The following TGFA variants were observed in gnomAD, a reference collection of about 807,000 sequenced individuals.
The protein encoded by TGFA is protransforming growth factor alpha.
TGFA carries 12 observed loss-of-function variants against 21.7 expected under a neutral mutation model. The ratio of observed to expected loss-of-function variants is 0.55; its 90% CI spans 0.35 to 0.90. The LOEUF is 0.90. Among genes scored for constraint, TGFA ranks in the 40% least tolerant of loss-of-function variants. The pLI is 0.01. For missense variants in TGFA, 178 were observed against 210.8 expected (o/e 0.84, Z 0.96); for synonymous variants, 79 against 88.1 (o/e 0.90, Z 0.58).
chr2:70,540,594 G>C (rs1184130787), intron 1 of TGFA, among the ~76,000 whole-genome samples: 1 of 152,116 alleles, frequency 6.6e-6, no homozygotes, highest in Non-Finnish European at 1.5e-5. Context: ...GGAAATCAGA[G>C]ATCAAAGAGT....
intron 1 of TGFA, among the ~76,000 whole-genome samples, chr2:70,529,451 C>T (rs559485774): frequency 4.1e-4 from 62 of 152,132 alleles, no homozygotes; most frequent in Non-Finnish European, 6.9e-4. Context: ...TTTTTCATCA[C>T]GGATGCGTGT....
At chr2:70,476,220 A>G (rs1553494349) in intron 2 of TGFA, among the ~76,000 whole-genome samples, 1 of 151,420 alleles carries the variant, frequency 6.6e-6, no homozygotes, top group African/African-American at 2.4e-5. Flanking sequence ...TCCTTCTTTC[A>G]TCTCTTCAAA....
chr2:70,454,201 T>TGGCAGAGATGAAGAAATAAGC (rs1670149809), intron 4 of TGFA, among the ~76,000 whole-genome samples: 1 of 152,168 alleles, frequency 6.6e-6, no homozygotes, highest in Non-Finnish European at 1.5e-5. Context: ...GTGAGCCAGG[T>TGGCAGAGATGAAGAAATAAGC]GGCAGAGATG....
chr2:70,518,001 C>T (rs1553501806), intron 1 of TGFA, among the ~76,000 whole-genome samples: 1 of 152,258 alleles, frequency 6.6e-6, no homozygotes, highest in Non-Finnish European at 1.5e-5. Context: ...CTTCCAGAAA[C>T]ATGTGGCCTT....
intron 4 of TGFA, 105 bp from the exon 5 acceptor site, chr2:70,453,432 AGCTCC>A: frequency 1.3e-6 from 1 of 792,452 alleles, no homozygotes. Context: ...GCTCTAAACC[AGCTCC>A]AAACCAGCTC....
At chr2:70,497,387 C>T (rs146358269) in intron 2 of TGFA, among the ~76,000 whole-genome samples, 56 of 152,288 alleles carry the variant, frequency 3.7e-4, no homozygotes, top group African/African-American at 1.3e-3. Context: ...ACTTAGGAGG[C>T]TCATTTTAAG....
chr2:70,475,987 G>A (rs1186559055), intron 2 of TGFA, among the ~76,000 whole-genome samples: 2 of 140,190 alleles, frequency 1.4e-5, no homozygotes, highest in Non-Finnish European at 3.0e-5. Context: ...CACACTCTCT[G>A]CCACTAAGCT....
intron 2 of TGFA, among the ~76,000 whole-genome samples, chr2:70,503,349 T>A (rs1284504471): frequency 2.8e-5 from 4 of 144,168 alleles, no homozygotes; most frequent in African/African-American, 1.0e-4. Context: ...CCGCATGTTC[T>A]CACTCATAGG....
intron 1 of TGFA, among the ~76,000 whole-genome samples, chr2:70,518,593 C>A (rs1672357526): frequency 6.6e-6 from 1 of 152,192 alleles, no homozygotes; most frequent in Non-Finnish European, 1.5e-5. Context: ...CTGGACACCC[C>A]TCTCCCCTGG....
chr2:70,523,332 A>G lies in TGFA; in HGVS notation c.41-8420T>C, dbSNP rs576723110. ...CGCTCATTGTGAACGTTCGTTGTGA[A>G]TGTTGTGTCCCAGGGCTCTTCAAGC... On this transcript the variant is annotated intron_variant, in intron 1 of 5. Transcript: ENST00000295400. Among the ~76,000 whole-genome samples the G allele has an allele frequency of 5.3e-5, 8 of 152,302 alleles. No homozygotes were observed. In the South Asian group the frequency reaches 1.7e-3, roughly 32 times the overall value.
At chr2:70,467,080 A>G (rs1286668400) in intron 2 of TGFA, among the ~76,000 whole-genome samples, 1 of 152,138 alleles carries the variant, frequency 6.6e-6, no homozygotes, top group East Asian at 1.9e-4. Context: ...GAAAAGAACT[A>G]ATGCATGCTG....
chr2:70,516,510 A>G (rs189243811), intron 1 of TGFA, among the ~76,000 whole-genome samples: 293 of 151,982 alleles, frequency 1.9e-3, no homozygotes, highest in Middle Eastern at 3.4e-3. Flanking sequence ...ATCCTAAGCC[A>G]GATGTTTGGG....
At chr2:70,489,683 T>G (rs1477858720) in intron 2 of TGFA, among the ~76,000 whole-genome samples, 1 of 152,252 alleles carries the variant, frequency 6.6e-6, no homozygotes, top group Non-Finnish European at 1.5e-5. Flanking sequence ...AGAACCTGTG[T>G]GGCATTTTAT....
intron 2 of TGFA, among the ~76,000 whole-genome samples, chr2:70,473,449 T>A (rs1324332279): frequency 2.0e-5 from 3 of 151,334 alleles, no homozygotes; most frequent in Non-Finnish European, 4.4e-5. Flanking sequence ...ACTGTCAGCA[T>A]CTAGTGTGGC....
At chr2:70,476,687 C>A (rs1465443615) in intron 2 of TGFA, among the ~76,000 whole-genome samples, 1 of 152,156 alleles carries the variant, frequency 6.6e-6, no homozygotes, top group African/African-American at 2.4e-5. Flanking sequence ...TTGACAGGTG[C>A]CTTTTTTCAT....
intron 2 of TGFA, among the ~76,000 whole-genome samples, chr2:70,476,323 GGAGGTTT>G (rs1321893419): frequency 2.6e-5 from 4 of 152,146 alleles, no homozygotes; most frequent in Admixed American, 6.5e-5. Flanking sequence ...AGGTAAACAA[GGAGGTTT>G]ATGTTTGGCT....
chr2:70,532,651 C>A (rs539005024), intron 1 of TGFA, among the ~76,000 whole-genome samples: 7 of 152,320 alleles, frequency 4.6e-5, no homozygotes, highest in Non-Finnish European at 1.0e-4. Flanking sequence ...GCCTGTGGTT[C>A]ATTTCTCAAG....
At chr2:70,461,772 C>G (rs1670411865) in intron 3 of TGFA, 1 of 152,186 alleles carries the variant, frequency 6.6e-6, no homozygotes, top group Non-Finnish European at 1.5e-5. Flanking sequence ...TGCAAATTCT[C>G]TTCCCATTAG....
intron 2 of TGFA, among the ~76,000 whole-genome samples, chr2:70,486,829 C>G (rs1327388750): frequency 3.9e-5 from 6 of 152,088 alleles, no homozygotes; most frequent in African/African-American, 1.4e-4. Flanking sequence ...GTGGCACGAT[C>G]TCGGCTCACT....
Sources: gnomAD v4.1 joint callset for allele counts (sites outside exome capture counted in the v4.1 genomes callset) on GRCh38, gnomAD v4.1.1 for gene constraint, MANE v1.5 for transcripts, NCBI Gene and HGNC (gene_info 2026-07-23, HGNC 2026-07-21) for gene names.